ZBTB20: variants seen among roughly 807,000 people sequenced by gnomAD.
The protein encoded by ZBTB20 is zinc finger and BTB domain containing 20.
In ZBTB20, 9 loss-of-function variants were observed where a neutral mutation model predicts 56.9. The ratio of observed to expected loss-of-function variants is 0.16; its 90% confidence interval spans 0.10 to 0.28. The LOEUF is 0.28. ZBTB20 is among the 10% of genes least tolerant of loss of function. ZBTB20 has a pLI of 1.00. For synonymous variants in ZBTB20, 417 were observed against 420.7 expected (o/e 0.99, Z 0.11); for missense variants, 655 against 1,003.0 (o/e 0.65, Z 4.69).
intron 2 of ZBTB20, among the ~76,000 whole-genome samples, chr3:115,039,346 T>G (rs1250288901): frequency 1.3e-5 from 2 of 152,048 alleles, no homozygotes; most frequent in Non-Finnish European, 2.9e-5. Flanking sequence ...TAGAAAACGT[T>G]TCAAATGTTT....
intron 4 of ZBTB20, among the ~76,000 whole-genome samples, chr3:114,876,121 GT>G (rs35016029): frequency 0.13 from 17,882 of 139,324 alleles, 2,256 homozygotes; most frequent in African/African-American, 0.33. Context: ...CCTGTAGTTT[GT>G]TTTTTTTTTT....
At chr3:114,524,569 CCTCAATGTTTCCTCT>C (rs1172380606) in intron 6 of ZBTB20, among the ~76,000 whole-genome samples, 1 of 152,200 alleles carries the variant, frequency 6.6e-6, no homozygotes, top group Non-Finnish European at 1.5e-5. Context: ...TCTACTACCT[CCTCAATGTTTCCTCT>C]CTCTCACTTT....
At chr3:115,048,179 C>A (rs987718710) in intron 2 of ZBTB20, among the ~76,000 whole-genome samples, 1 of 151,986 alleles carries the variant, frequency 6.6e-6, no homozygotes, top group Non-Finnish European at 1.5e-5. Context: ...GAGCTGAGTT[C>A]GCGCCACTGC....
intron 2 of ZBTB20, among the ~76,000 whole-genome samples, chr3:115,058,111 T>G (rs898454005): frequency 1.3e-5 from 2 of 152,122 alleles, no homozygotes; most frequent in African/African-American, 2.4e-5. Flanking sequence ...GTGATTAAAT[T>G]ACCTCCCACC....
At chr3:114,597,956 C>A (rs556738225) in intron 6 of ZBTB20, among the ~76,000 whole-genome samples, 1 of 151,974 alleles carries the variant, frequency 6.6e-6, no homozygotes, top group Non-Finnish European at 1.5e-5. Context: ...TCTTTAAAGG[C>A]TTTTATTTTG....
intron 6 of ZBTB20, among the ~76,000 whole-genome samples, chr3:114,661,471 T>C (rs1389103472): frequency 6.6e-6 from 1 of 152,170 alleles, no homozygotes; most frequent in Non-Finnish European, 1.5e-5. Context: ...AGATTTCTCA[T>C]TCATTATTTT....
intron 2 of ZBTB20, among the ~76,000 whole-genome samples, chr3:115,005,632 AAGAGAG>A (rs1185848741): frequency 1.3e-5 from 2 of 151,798 alleles, no homozygotes; most frequent in African/African-American, 4.8e-5. Context: ...TTAAGAACCA[AAGAGAG>A]AGAGTAGGTA....
At chr3:114,486,394 G>A (rs949295498) in intron 7 of ZBTB20, among the ~76,000 whole-genome samples, 19 of 152,068 alleles carry the variant, frequency 1.2e-4, no homozygotes, top group African/African-American at 4.1e-4. Context: ...CAGACACCCT[G>A]TCAACAGATA....
intron 1 of ZBTB20, among the ~76,000 whole-genome samples, chr3:115,088,157 T>A (rs535618165): frequency 2.0e-5 from 3 of 151,886 alleles, no homozygotes; most frequent in Non-Finnish European, 4.4e-5. Flanking sequence ...ACTGACCAAA[T>A]TTTCCAATTC....
chr3:114,715,533 G>T (rs1021353246), intron 5 of ZBTB20, among the ~76,000 whole-genome samples: 7 of 152,170 alleles, frequency 4.6e-5, no homozygotes, highest in Non-Finnish European at 1.0e-4. Context: ...CAATAACACT[G>T]ACAGCTTTCC....
intron 4 of ZBTB20, among the ~76,000 whole-genome samples, chr3:114,820,386 C>CA: frequency 6.6e-6 from 1 of 151,932 alleles, no homozygotes; most frequent in East Asian, 1.9e-4. Flanking sequence ...AATATGCAAA[C>CA]AAACACATAT....
At chr3:114,382,278 G>C (rs1560172149) in intron 8 of ZBTB20, among the ~76,000 whole-genome samples, 1 of 151,996 alleles carries the variant, frequency 6.6e-6, no homozygotes, top group Non-Finnish European at 1.5e-5. Context: ...TTACTAACTG[G>C]CTCTCCAACC....
intron 2 of ZBTB20, among the ~76,000 whole-genome samples, chr3:115,024,827 C>T (rs562045132): frequency 7.4e-4 from 112 of 151,270 alleles, no homozygotes; most frequent in Middle Eastern, 3.4e-3. Context: ...TACATATTCA[C>T]TAAGAAAATA....
chr3:114,792,636 G>T (rs1187051080), intron 5 of ZBTB20, among the ~76,000 whole-genome samples: 2 of 152,086 alleles, frequency 1.3e-5, no homozygotes, highest in Admixed American at 1.3e-4. Flanking sequence ...AATAGAAAAT[G>T]ACCTCTTCAG....
chr3:115,131,476 A>C (rs2084504232), intron 1 of ZBTB20, among the ~76,000 whole-genome samples: 1 of 152,204 alleles, frequency 6.6e-6, no homozygotes, highest in South Asian at 2.1e-4. Context: ...ATAATAGCCC[A>C]TGGTTGAGTT....
At chr3:114,900,512 T>TATATACACACACACACACAC (rs549497546) in intron 3 of ZBTB20, 170 bp from the exon 4 acceptor site, 2 of 145,642 alleles carry the variant, frequency 1.4e-5, no homozygotes, top group African/African-American at 5.1e-5. Flanking sequence ...TGAAAATATA[T>TATATACACACACACACACAC]ACACACACAC....
At chr3:114,877,186 A>G (rs188530377) in intron 4 of ZBTB20, among the ~76,000 whole-genome samples, 2 of 152,358 alleles carry the variant, frequency 1.3e-5, no homozygotes, top group East Asian at 1.9e-4. Context: ...TGACATACCC[A>G]TAACTACTTA....
chr3:114,349,913 C>A (rs977284472), intron 11 of ZBTB20, among the ~76,000 whole-genome samples: 1 of 152,222 alleles, frequency 6.6e-6, no homozygotes, highest in Admixed American at 6.5e-5. Flanking sequence ...TGAATTTACA[C>A]CCAGGCCATC....
At chr3:114,514,546 C>T (rs2045768715) in intron 6 of ZBTB20, among the ~76,000 whole-genome samples, 1 of 152,124 alleles carries the variant, frequency 6.6e-6, no homozygotes, top group Non-Finnish European at 1.5e-5. Flanking sequence ...CTGCAAAGTA[C>T]CTAAAAGTGT....
Sources: allele counts gnomAD v4.1 joint callset (sites outside exome capture counted in the v4.1 genomes callset), GRCh38; gene constraint gnomAD v4.1.1; transcripts MANE v1.5; gene names NCBI Gene and HGNC (gene_info 2026-07-23, HGNC 2026-07-21).